Variants in APAF1 observed in about 807,000 individuals in gnomAD.
APAF1 encodes the protein apoptotic peptidase activating factor 1.
APAF1 carries 91 observed loss-of-function variants against 152.4 expected under a neutral mutation model. The observed-to-expected ratio is 0.60, with a 90% CI of 0.50 to 0.71. APAF1 has a LOEUF of 0.71. Among genes scored for constraint, APAF1 ranks in the 30% least tolerant of loss-of-function variants. The probability of loss-of-function intolerance (pLI) is 0.00; values close to 1 mark genes in which losing one functional copy is unlikely to be tolerated. For synonymous variants in APAF1, 484 were observed against 494.1 expected, an observed-to-expected ratio of 0.98 and a Z score of 0.27; for missense variants, 1,283 against 1,472.0, an observed-to-expected ratio of 0.87 and a Z score of 2.10.
At chr12:98,649,148 GT>G (rs1287255341) in intron 3 of APAF1, 1 of 822,208 alleles carries the variant, frequency 1.2e-6, no homozygotes, top group Non-Finnish European at 1.5e-6. Context: ...AGAAATATAT[GT>G]TCTTGAAAGG....
At chr12:98,692,988 C>G (rs552203010) in intron 16 of APAF1, among the ~76,000 whole-genome samples, 2 of 152,062 alleles carry the variant, frequency 1.3e-5, no homozygotes, top group East Asian at 3.9e-4. Flanking sequence ...AGTCACCGAA[C>G]AAATTTACAT....
chr12:98,731,669 T>G (rs2097761789), intron 26 of APAF1, among the ~76,000 whole-genome samples: 1 of 152,254 alleles, frequency 6.6e-6, no homozygotes, highest in Admixed American at 6.5e-5. Context: ...GTGTTCATAA[T>G]ACTCAGGATC....
At chr12:98,654,049 T>C (rs2097653293) in intron 4 of APAF1, among the ~76,000 whole-genome samples, 1 of 152,122 alleles carries the variant, frequency 6.6e-6, no homozygotes, top group Non-Finnish European at 1.5e-5. Context: ...TTAGTTTCTC[T>C]GAGTGAATTG....
At chr12:98,676,065 GC>G (rs1361179749) in intron 12 of APAF1, among the ~76,000 whole-genome samples, 1 of 152,142 alleles carries the variant, frequency 6.6e-6, no homozygotes, top group Non-Finnish European at 1.5e-5. Flanking sequence ...TTGTCTGACT[GC>G]CAACCCTTGA....
chr12:98,694,212 T>C (rs1288920252), intron 16 of APAF1, among the ~76,000 whole-genome samples: 1 of 152,222 alleles, frequency 6.6e-6, no homozygotes, highest in Non-Finnish European at 1.5e-5. Flanking sequence ...ACATCAGTCT[T>C]GGCAAATAAT....
At chr12:98,651,173 C>G (rs2097648477) in intron 4 of APAF1, among the ~76,000 whole-genome samples, 1 of 152,140 alleles carries the variant, frequency 6.6e-6, no homozygotes, top group Non-Finnish European at 1.5e-5. Flanking sequence ...GTTCAGAGGA[C>G]TGAGTTATTC....
At chr12:98,719,453 A>G (rs2097739168) in intron 22 of APAF1, among the ~76,000 whole-genome samples, 1 of 151,548 alleles carries the variant, frequency 6.6e-6, no homozygotes, top group Non-Finnish European at 1.5e-5. Context: ...GGGTTCAAGC[A>G]ATTCCCCTGC....
At chr12:98,671,806 G>GA in intron 12 of APAF1, 87 bp downstream of exon 12, 1 of 1,307,374 alleles carries the variant, frequency 7.6e-7, no homozygotes, top group South Asian at 1.2e-5. Context: ...ACTCCAGGAG[G>GA]ATTTAACTAC....
chr12:98,729,404 C>T (rs1301685960), intron 26 of APAF1, among the ~76,000 whole-genome samples: 1 of 152,154 alleles, frequency 6.6e-6, no homozygotes, highest in African/African-American at 2.4e-5. Flanking sequence ...AAGCTAGATC[C>T]CTCGCATGTG....
intron 7 of APAF1, among the ~76,000 whole-genome samples, chr12:98,664,391 A>T (rs780082497): frequency 1.3e-5 from 2 of 152,180 alleles, no homozygotes; most frequent in African/African-American, 4.8e-5. Context: ...AGGGTGATGC[A>T]TGTCCATTTT....
chr12:98,668,538 A>G (rs1325722733), intron 10 of APAF1, among the ~76,000 whole-genome samples: 1 of 152,044 alleles, frequency 6.6e-6, no homozygotes, highest in Non-Finnish European at 1.5e-5. Context: ...TTCAGTGGGT[A>G]GTTAAGTGCT....
At chr12:98,720,945 C>T (rs566634199) in intron 22 of APAF1, among the ~76,000 whole-genome samples, 15 of 150,838 alleles carry the variant, frequency 9.9e-5, no homozygotes, top group East Asian at 9.8e-4. Context: ...CCAGCCTGGG[C>T]GACAGAGCAA....
At chr12:98,680,784 T>C (rs1264306165) in intron 14 of APAF1, among the ~76,000 whole-genome samples, 1 of 152,086 alleles carries the variant, frequency 6.6e-6, no homozygotes, top group Non-Finnish European at 1.5e-5. Flanking sequence ...AAACAAGCAG[T>C]GGGGAAAAGC....
chr12:98,665,278 A>ATATAT (rs1491316422), intron 7 of APAF1, among the ~76,000 whole-genome samples: 12 of 65,984 alleles, frequency 1.8e-4, no homozygotes, highest in South Asian at 1.1e-3. Context: ...ATATATATAT[A>ATATAT]TTTTTTTTTT....
chr12:98,682,102 G>C (rs1470617705), intron 14 of APAF1, among the ~76,000 whole-genome samples: 1 of 124,942 alleles, frequency 8.0e-6, no homozygotes, highest in African/African-American at 3.1e-5. Flanking sequence ...CGCCCAGGTT[G>C]AACTGCAGTG....
At position 98,703,439 on chromosome 12, in the gene APAF1, C is replaced by G. The variant is rs61742041; in HGVS notation, c.2535C>G (p.Tyr845Ter). Residue 845 changes from tyrosine to a stop codon, truncating the protein, a stop_gained, in exon 18 of 27, where the codon TAC (tyrosine) becomes TAG (stop). Coordinates refer to ENST00000551964, the MANE Select transcript of APAF1 (RefSeq NM_181861.2). LOFTEE classifies it high-confidence loss of function. ...IHTGHHSTIQ[Y>*]CDFSPQNHLA... ...CGGGCCATCACAGCACCATCCAGTA[C>G]TGTGACTTCTCCCCACAAAACCATT... 28 of 1,614,040 alleles carry G rather than the reference C, an allele frequency of 1.7e-5. No individual in the cohort carries two copies. Among genetic ancestry groups the G allele is most frequent in the Non-Finnish European group, 2.4e-5 (28 of 1,180,028 alleles).
At position 98,664,951 on chromosome 12, in the gene APAF1, A is replaced by G. The variant is rs191982390; in HGVS notation, c.956-602A>G. Among the ~76,000 whole-genome samples the G allele has an allele frequency of 3.9e-5, 6 of 152,244 alleles. No individual in the cohort carries two copies. The East Asian group carries it at 9.6e-4, about 24-fold the overall frequency. ...TCTTAATTTATTCAACCACTTCTGT[A>G]TTATTGGACATTGTTTACGTTGTTT... On this transcript the variant is annotated intron_variant, in intron 7 of 26. Coordinates refer to ENST00000551964, the MANE Select transcript of APAF1 (RefSeq NM_181861.2).
Position 98,677,486 on chromosome 12 carries a change from T to A in APAF1, c.1855T>A (p.Tyr619Asn). The change falls in exon 13 of 27, where the codon TAC becomes AAC. Residue 619 changes from tyrosine to asparagine, a missense_variant. Tyr to Asn is a moderately radical substitution (Grantham distance 143). Transcript: ENST00000551964. ...LVVRPHTDAVYHACFSEDGQR... is the reference protein window; with the variant it reads ...LVVRPHTDAVNHACFSEDGQR... ...TGTCCGCCCCCACACAGATGCTGTT[T>A]ACCATGCCTGCTTTTCTGAGGATGG... 6.2e-7 allele frequency: 1 copy of A among 1,614,216 alleles called. No homozygotes were observed. Among genetic ancestry groups the A allele is most frequent in the Non-Finnish European group, 8.5e-7 (1 of 1,180,036 alleles).
Position 98,735,199 on chromosome 12 carries a change from T to C in APAF1, c.*2633T>C. Reference sequence around the variant, plus strand: ...CGGTCAAGAGGAGGATTTTGTTTTGTAGTTTGCAGATGAGCATTTCTAAAG... The same window carrying C: ...CGGTCAAGAGGAGGATTTTGTTTTGCAGTTTGCAGATGAGCATTTCTAAAG... On this transcript the variant is annotated 3_prime_UTR_variant, in exon 27 of 27. Transcript: ENST00000551964. The C allele has an allele frequency of 2.5e-6, 1 of 399,016 alleles. No homozygotes were observed. The highest frequency in any genetic ancestry group is 4.4e-6 in the Non-Finnish European group (1 of 226,360). 24.7% of individuals were successfully genotyped at this position (399,016 alleles called of 1,614,324 possible).
Sources: gnomAD v4.1 joint callset for allele counts (sites outside exome capture counted in the v4.1 genomes callset) on GRCh38, gnomAD v4.1.1 for gene constraint, MANE v1.5 for transcripts, NCBI Gene and HGNC (gene_info 2026-07-23, HGNC 2026-07-21) for gene names.